Variants in AGBL1 observed in about 807,000 individuals in gnomAD.
AGBL1 encodes the protein cytosolic carboxypeptidase 4.
Under a neutral mutation model 118.9 loss-of-function variants are expected in AGBL1, and 130 were observed. That is an observed-to-expected ratio of 1.09 (90% confidence interval 0.95 to 1.26). The LOEUF (loss-of-function observed/expected upper bound fraction) is 1.26, where lower values mean the gene tolerates loss of function less well. Ranked by LOEUF, AGBL1 falls within the 50% of genes most tolerant of loss-of-function variation. The pLI, the probability that AGBL1 is intolerant of heterozygous loss-of-function variation, is 0.00. For missense variants in AGBL1, 1,584 were observed against 1,298.1 expected (o/e 1.22, Z -3.38); for synonymous variants, 555 against 478.9 (o/e 1.16, Z -2.08).
intron 3 of AGBL1, among the ~76,000 whole-genome samples, chr15:86,145,442 G>C (rs190899164): frequency 2.1e-4 from 32 of 152,288 alleles, no homozygotes; most frequent in Admixed American, 1.8e-3. Context: ...CATTGCAAAC[G>C]AGTCACAAGT....
chr15:86,586,805 G>C (rs2084255353), intron 21 of AGBL1, among the ~76,000 whole-genome samples: 1 of 152,140 alleles, frequency 6.6e-6, no homozygotes. Flanking sequence ...TTGGTTGAAA[G>C]AGTTAAGCTT....
Position 86,468,332 on chromosome 15 carries a change from G to A in AGBL1, c.2556-54478G>A, listed in dbSNP as rs544917270. 9.2e-5 allele frequency among the ~76,000 whole-genome samples: 14 copies of A among 152,200 alleles called. No homozygotes were observed. The East Asian group carries it at 2.1e-3, about 23-fold the overall frequency. On this transcript the variant is annotated intron_variant, in intron 18 of 22. Coordinates refer to ENST00000614907, the MANE Select transcript of AGBL1 (RefSeq NM_001386094.1). ...CGGAAATCTAGAAACCCTGTCCATCGCACAAAATTTTGGCATGCTGAAGCT... is the reference window on the plus strand; with the variant it reads ...CGGAAATCTAGAAACCCTGTCCATCACACAAAATTTTGGCATGCTGAAGCT...
At chr15:86,464,342 A>C (rs2082370939) in intron 18 of AGBL1, among the ~76,000 whole-genome samples, 1 of 152,140 alleles carries the variant, frequency 6.6e-6, no homozygotes, top group Non-Finnish European at 1.5e-5. Context: ...TTTTGGGGCT[A>C]AGACGATGGG....
chr15:86,937,581 A>C (rs111772816), intron 23 of AGBL1, among the ~76,000 whole-genome samples: 10,159 of 152,292 alleles, frequency 0.067, 455 homozygotes, highest in South Asian at 0.21. Flanking sequence ...CTCACTTATA[A>C]GTGGGAGCTA....
chr15:86,389,387 G>A (rs1220246607), intron 17 of AGBL1, among the ~76,000 whole-genome samples: 5 of 152,052 alleles, frequency 3.3e-5, no homozygotes, highest in Admixed American at 2.6e-4. Context: ...AAAATGGAGA[G>A]GTTATGAGCA....
chr15:86,768,535 A>T lies in AGBL1; in HGVS notation c.3158+94099A>T, dbSNP rs12443380. ...GTAAGGGTCTTTGTGCTTGCTTTTT[A>T]TGCTTGGGATGCCTTTACCCTGACC... On this transcript the variant is annotated intron_variant, in intron 22 of 22. Transcript: ENST00000614907. Among the ~76,000 whole-genome samples, 2,128 of 151,842 alleles carry T rather than the reference A, an allele frequency of 0.014. 91 individuals carry two copies. In the East Asian group the frequency reaches 0.14, roughly 10 times the overall value.
At chr15:86,747,092 C>A (rs1371421725) in intron 22 of AGBL1, among the ~76,000 whole-genome samples, 1 of 151,978 alleles carries the variant, frequency 6.6e-6, no homozygotes, top group East Asian at 1.9e-4. Context: ...AGCATATGCA[C>A]CCCAGGACTC....
At chr15:86,356,300 A>G (rs1389971543) in intron 17 of AGBL1, among the ~76,000 whole-genome samples, 1 of 152,134 alleles carries the variant, frequency 6.6e-6, no homozygotes, top group African/African-American at 2.4e-5. Flanking sequence ...AATAACTTAG[A>G]AAAAGCTATT....
At chr15:86,397,244 C>G (rs1372815583) in intron 17 of AGBL1, 122 bp from the exon 18 acceptor site, 3 of 716,756 alleles carry the variant, frequency 4.2e-6, no homozygotes, top group Non-Finnish European at 6.1e-6. Flanking sequence ...TCAAAACCTA[C>G]AATGGAAAAT....
At chr15:86,903,906 A>T (rs1422745176) in intron 22 of AGBL1, among the ~76,000 whole-genome samples, 5 of 152,226 alleles carry the variant, frequency 3.3e-5, no homozygotes, top group Non-Finnish European at 7.3e-5. Flanking sequence ...GGTTCCCCAC[A>T]CAACCTCCAC....
chr15:86,695,873 GTTAT>G lies in AGBL1; in HGVS notation c.3158+21441_3158+21444del, dbSNP rs1021317556. Among the ~76,000 whole-genome samples, 114 of 151,914 alleles carry G rather than the reference GTTAT, an allele frequency of 7.5e-4. 1 individual carries two copies. Among genetic ancestry groups the G allele is most frequent in the African/African-American group, 2.4e-3 (98 of 41,458 alleles). ...TGACCCAATGATCATTCTTGAGCAGGTTATTTAATTTTCATGTATTTGCATGGTT... is the reference window on the plus strand; with the variant it reads ...TGACCCAATGATCATTCTTGAGCAGGTTAATTTTCATGTATTTGCATGGTT... On this transcript the variant is annotated intron_variant, in intron 22 of 22. Transcript: ENST00000614907.
rs560406647 is a variant in AGBL1 at position 86,706,597 on chromosome 15, C to T, written c.3158+32161C>T. On this transcript the variant is annotated intron_variant, in intron 22 of 22. Transcript: ENST00000614907. Reference sequence around the variant, plus strand: ...CTAGTAATCACAATTCCCTAAGGCTCGCGATTTGTTTTATAAGAAAAAGCT... The same window carrying T: ...CTAGTAATCACAATTCCCTAAGGCTTGCGATTTGTTTTATAAGAAAAAGCT... Among the ~76,000 whole-genome samples the T allele has an allele frequency of 7.2e-5, 11 of 152,174 alleles. No homozygotes were observed. The South Asian group carries it at 8.3e-4, about 11-fold the overall frequency.
chr15:86,941,533 C>G (rs2080751904), intron 23 of AGBL1, among the ~76,000 whole-genome samples: 1 of 152,156 alleles, frequency 6.6e-6, no homozygotes, highest in African/African-American at 2.4e-5. Context: ...AGCTGAGATC[C>G]AACCTGGCTG....
chr15:86,093,516 T>C (rs1896165538), intron 1 of AGBL1, among the ~76,000 whole-genome samples: 2 of 152,112 alleles, frequency 1.3e-5, no homozygotes, highest in African/African-American at 4.8e-5. Context: ...GTCAAAGAGA[T>C]AGAAGCTAAG....
rs528669507 is a variant in AGBL1 at position 86,499,308 on chromosome 15, C to T, written c.2556-23502C>T. Among the ~76,000 whole-genome samples, 4 of 152,032 alleles carry T rather than the reference C, an allele frequency of 2.6e-5. No individual in the cohort carries two copies. The East Asian group carries it at 5.8e-4, about 22-fold the overall frequency. ...GTTAATTCTGAGAATTGTCTAATCT[C>T]TCCTCAAGAAGTGGGAGGCCTGGGG... On this transcript the variant is annotated intron_variant, in intron 18 of 22. Transcript: ENST00000614907.
intron 6 of AGBL1, among the ~76,000 whole-genome samples, chr15:86,232,128 T>A (rs1427404213): frequency 6.6e-6 from 1 of 152,204 alleles, no homozygotes; most frequent in Admixed American, 6.5e-5. Context: ...GCACATGGCT[T>A]TTTTTCCTGG....
chr15:86,224,882 G>A, intron 5 of AGBL1, 32 bp from the exon 6 acceptor site: 2 of 1,611,768 alleles, frequency 1.2e-6, no homozygotes, highest in Non-Finnish European at 1.7e-6. Flanking sequence ...ACCATTGAAT[G>A]TTGACTGTTA....
intron 22 of AGBL1, among the ~76,000 whole-genome samples, chr15:86,827,443 GTGTGTGTA>G (rs1378574964): frequency 1.1e-3 from 5 of 4,554 alleles, no homozygotes; most frequent in African/African-American, 3.1e-3. Context: ...ATATATATAT[GTGTGTGTA>G]TATATATATA....
intron 18 of AGBL1, among the ~76,000 whole-genome samples, chr15:86,500,533 T>A (rs1385042486): frequency 6.6e-6 from 1 of 151,584 alleles, no homozygotes; most frequent in Non-Finnish European, 1.5e-5. Context: ...ATACCATTGC[T>A]ATTCAGTTAT....
Sources: allele counts gnomAD v4.1 joint callset (sites outside exome capture counted in the v4.1 genomes callset), GRCh38; gene constraint gnomAD v4.1.1; transcripts MANE v1.5; gene names NCBI Gene and HGNC (gene_info 2026-07-23, HGNC 2026-07-21).